Variants in NEK7 observed in about 807,000 individuals in gnomAD.
NEK7 encodes the protein NIMA related kinase 7.
NEK7 carries 18 observed loss-of-function variants against 44.6 expected under a neutral mutation model. The ratio of observed to expected loss-of-function variants is 0.40; its 90% CI spans 0.28 to 0.60. The LOEUF is 0.60. Among genes scored for constraint, NEK7 ranks in the 20% least tolerant of loss-of-function variants. The pLI is 0.38. For missense variants in NEK7, 256 were observed against 366.5 expected (o/e 0.70, Z 2.46); for synonymous variants, 130 against 121.1 (o/e 1.07, Z -0.48).
intron 1 of NEK7, among the ~76,000 whole-genome samples, chr1:198,184,868 T>C (rs1392750288): frequency 6.6e-6 from 1 of 151,960 alleles, no homozygotes; most frequent in Non-Finnish European, 1.5e-5. Flanking sequence ...TTTATTTATT[T>C]AGCTAGTTAG....
At chr1:198,255,027 C>G (rs542344515) in intron 3 of NEK7, among the ~76,000 whole-genome samples, 4 of 152,250 alleles carry the variant, frequency 2.6e-5, no homozygotes, top group African/African-American at 9.6e-5. Context: ...AAGAGTCTAT[C>G]TAGAACAGTT....
intron 1 of NEK7, among the ~76,000 whole-genome samples, chr1:198,170,789 A>C (rs923162918): frequency 2.6e-5 from 4 of 152,186 alleles, no homozygotes; most frequent in African/African-American, 9.7e-5. Flanking sequence ...TATGTTTTTA[A>C]AATTTGATGA....
chr1:198,232,786 T>G (rs1435746694), intron 2 of NEK7, 149 bp downstream of exon 2: 1 of 489,362 alleles, frequency 2.0e-6, no homozygotes, highest in East Asian at 3.3e-5. Context: ...CATTTTTTTT[T>G]TTTTTGCTTT....
At chr1:198,286,850 T>C (rs1654385773) in intron 7 of NEK7, among the ~76,000 whole-genome samples, 1 of 152,200 alleles carries the variant, frequency 6.6e-6, no homozygotes, top group African/African-American at 2.4e-5. Flanking sequence ...CCCTCATTCC[T>C]TGGCTCCTGG....
At position 198,279,060 on chromosome 1, in the gene NEK7, A is replaced by T. The variant is rs772989091; in HGVS notation, c.588A>T (p.Leu196Phe). The T allele has an allele frequency of 1.9e-6, 3 of 1,579,400 alleles. No individual in the cohort carries two copies. The highest frequency in any genetic ancestry group is 1.7e-6 in the Non-Finnish European group (2 of 1,149,196). Residue 196 changes from leucine to phenylalanine, a missense_variant and splice_region_variant, in exon 7 of 10, where the codon TTA becomes TTT. Around this residue, in one of 3 missense-constraint regions of NEK7, gnomAD observed 102 missense variants for 205.2 expected, o/e 0.50. Transcript: ENST00000367385. ...FSSKTTAAHS[L>F]VGTPYYMSPE... ...CAAAAACCACAGCTGCACATTCTTT[A>T]GGTAAGAGACACAATATAATTTCAT...
chr1:198,306,817 C>A (rs1040657943), intron 9 of NEK7, among the ~76,000 whole-genome samples: 1 of 152,050 alleles, frequency 6.6e-6, no homozygotes, highest in South Asian at 2.1e-4. Flanking sequence ...AAGACTTTTG[C>A]AACTTATTTT....
chr1:198,205,766 T>A lies in NEK7; in HGVS notation c.-28-26787T>A, dbSNP rs1024760144. The stretch of plus-strand genomic sequence containing the variant: ...ATGGTACGTGGAGTCTATTTCTTAT[T>A]AGGTTCACAAAACTACAGAGTAAGA... On this transcript the variant is annotated intron_variant, in intron 1 of 9. Coordinates refer to ENST00000367385, the MANE Select transcript of NEK7 (RefSeq NM_133494.3). Among the ~76,000 whole-genome samples the A allele has an allele frequency of 3.3e-5, 5 of 152,272 alleles. No homozygotes were observed. The East Asian group carries it at 7.7e-4, about 23-fold the overall frequency.
chr1:198,195,655 C>T (rs1483469057), intron 1 of NEK7, among the ~76,000 whole-genome samples: 4 of 152,178 alleles, frequency 2.6e-5, no homozygotes, highest in African/African-American at 9.6e-5. Flanking sequence ...ACCCCATCTC[C>T]ACTACAACAA....
chr1:198,225,172 A>T (rs1190898349), intron 1 of NEK7, among the ~76,000 whole-genome samples: 2 of 151,808 alleles, frequency 1.3e-5, no homozygotes, highest in Non-Finnish European at 2.9e-5. Context: ...GTGAGACCCC[A>T]TCTCTACAAA....
intron 5 of NEK7, among the ~76,000 whole-genome samples, chr1:198,277,270 A>G (rs1188316216): frequency 1.3e-5 from 2 of 151,724 alleles, no homozygotes; most frequent in Non-Finnish European, 3.0e-5. Context: ...ATGAGCATAA[A>G]TAAGTACCTC....
chr1:198,160,710 A>G (rs546269297), intron 1 of NEK7, among the ~76,000 whole-genome samples: 124 of 152,320 alleles, frequency 8.1e-4, no homozygotes, highest in African/African-American at 2.8e-3. Context: ...TTTGTAGGGA[A>G]TATGGATGAA....
intron 1 of NEK7, among the ~76,000 whole-genome samples, chr1:198,176,004 A>G (rs370704216): frequency 6.6e-6 from 1 of 152,126 alleles, no homozygotes; most frequent in African/African-American, 2.4e-5. Context: ...CTTCCTTTAG[A>G]GGGGAGGGAA....
intron 1 of NEK7, among the ~76,000 whole-genome samples, chr1:198,213,532 CAG>C (rs1193471004): frequency 6.6e-6 from 1 of 152,160 alleles, no homozygotes; most frequent in African/African-American, 2.4e-5. Flanking sequence ...ACTCTATCCT[CAG>C]AGGAGGAGCA....
chr1:198,261,148 G>A (rs915152450), intron 3 of NEK7, among the ~76,000 whole-genome samples: 1 of 151,764 alleles, frequency 6.6e-6, no homozygotes. Flanking sequence ...AATGGTACCC[G>A]CCACCCTACA....
chr1:198,217,952 A>G (rs1665971886), intron 1 of NEK7, among the ~76,000 whole-genome samples: 2 of 152,020 alleles, frequency 1.3e-5, no homozygotes, highest in Admixed American at 6.6e-5. Flanking sequence ...AAATGGAAAT[A>G]CATCCCATGC....
At chr1:198,219,219 T>TTA (rs956018311) in intron 1 of NEK7, among the ~76,000 whole-genome samples, 38 of 151,006 alleles carry the variant, frequency 2.5e-4, no homozygotes, top group African/African-American at 6.5e-4. Context: ...TATATATGTT[T>TTA]TATATATATC....
chr1:198,197,823 G>T, intron 1 of NEK7: 1 of 783,444 alleles, frequency 1.3e-6, no homozygotes, highest in African/African-American at 1.7e-5. Context: ...TGCTTGCCAT[G>T]CTCGTGGTGC....
chr1:198,199,678 T>C (rs373330173), intron 1 of NEK7, among the ~76,000 whole-genome samples: 4 of 152,334 alleles, frequency 2.6e-5, no homozygotes, highest in South Asian at 4.1e-4. Flanking sequence ...ATTATTTTTA[T>C]GAAATATTCC....
rs543325421 is a variant in NEK7 at position 198,264,157 on chromosome 1, T to C, written c.294T>C (p.Tyr98=). Residue 98 remains tyrosine, a synonymous_variant, in exon 5 of 10, where the codon TAT becomes TAC. Transcript: ENST00000367385. The stretch of plus-strand genomic sequence containing the variant: ...ACCATCCAAATGTAATAAAATATTA[T>C]GCATCATTCATTGAAGATAATGAAC... ...QLNHPNVIKY[Y]ASFIEDNELN... is the part of the protein sequence containing the mutation. 6.2e-7 allele frequency: 1 copy of C among 1,602,852 alleles called. No individual in the cohort carries two copies. The highest frequency in any genetic ancestry group is 2.3e-5 in the East Asian group (1 of 44,264).
Sources: allele counts gnomAD v4.1 joint callset (sites outside exome capture counted in the v4.1 genomes callset), GRCh38; gene constraint gnomAD v4.1.1; regional missense constraint gnomAD v4.1.1; transcripts MANE v1.5; gene names NCBI Gene and HGNC (gene_info 2026-07-23, HGNC 2026-07-21).